PSME4: variants seen among roughly 807,000 people sequenced by gnomAD.
The protein encoded by PSME4 is proteasome activator complex subunit 4.
PSME4 carries 89 observed loss-of-function variants against 253.9 expected under a neutral mutation model. That is an observed-to-expected ratio of 0.35 (90% CI 0.30 to 0.42). The LOEUF (loss-of-function observed/expected upper bound fraction) is 0.42. Ranked by LOEUF, PSME4 falls within the 10% of genes least tolerant of loss-of-function variation. The pLI is 1.00. For synonymous variants in PSME4, 851 were observed against 759.2 expected (o/e 1.12, Z -1.99); for missense variants, 2,014 against 2,195.2 (o/e 0.92, Z 1.65).
At chr2:53,940,624 C>A (rs922106622) in intron 3 of PSME4, among the ~76,000 whole-genome samples, 2 of 151,634 alleles carry the variant, frequency 1.3e-5, no homozygotes, top group African/African-American at 4.8e-5. Flanking sequence ...AATTTATAAT[C>A]CACATTTCTT....
chr2:53,884,534 T>A (rs1009313066), intron 41 of PSME4, among the ~76,000 whole-genome samples: 1 of 152,218 alleles, frequency 6.6e-6, no homozygotes, highest in African/African-American at 2.4e-5. Flanking sequence ...TCTAATGATA[T>A]AAGTTTTTTC....
intron 42 of PSME4, 110 bp downstream of exon 42, chr2:53,875,517 G>T: frequency 9.1e-7 from 1 of 1,099,984 alleles, no homozygotes. Flanking sequence ...TATACTAAAA[G>T]AAAATTCAAA....
chr2:53,880,830 T>C (rs904796258), intron 41 of PSME4, among the ~76,000 whole-genome samples: 10 of 152,178 alleles, frequency 6.6e-5, no homozygotes, highest in Admixed American at 2.6e-4. Flanking sequence ...GGAGTTGTTT[T>C]CCTGGTCATT....
chr2:53,895,518 C>T (rs1680100423), intron 33 of PSME4, 65 bp downstream of exon 33: 6 of 1,492,174 alleles, frequency 4.0e-6, no homozygotes, highest in Non-Finnish European at 5.4e-6. Context: ...TCCCCAGAAA[C>T]CAAAATATGA....
Position 53,949,448 on chromosome 2 carries a change from C to CTT in PSME4, c.243-167_243-166dup, listed in dbSNP as rs77741355. 9.3e-5 allele frequency among the ~76,000 whole-genome samples: 13 copies of CTT among 139,416 alleles called. No homozygotes were observed. The East Asian group carries it at 1.2e-3, about 13-fold the overall frequency. The allele number at this position is 139,416 out of a possible 152,430, so 91.5% of individuals were successfully genotyped here. ...CATATACAACACAATGGATTATTGT[C>CTT]TTTTTTTTTTTTTTTTAACATTTCA... On this transcript the variant is annotated intron_variant, in intron 1 of 46. Transcript: ENST00000404125.
chr2:53,873,238 C>CAAA (rs60203960), intron 43 of PSME4, among the ~76,000 whole-genome samples: 5 of 123,148 alleles, frequency 4.1e-5, no homozygotes, highest in South Asian at 2.5e-4. Context: ...GACTCCGTCT[C>CAAA]AAAAAAAAAG....
Position 53,955,148 on chromosome 2 carries a change from G to GT in PSME4, c.243-5866dup, listed in dbSNP as rs1386727846. Among the ~76,000 whole-genome samples the GT allele has an allele frequency of 2.8e-3, 419 of 152,218 alleles. 6 individuals carry two copies. The highest frequency in any genetic ancestry group is 8.1e-4 in the Non-Finnish European group (55 of 68,018). On this transcript the variant is annotated intron_variant, in intron 1 of 46. Coordinates refer to ENST00000404125, the MANE Select transcript of PSME4 (RefSeq NM_014614.3). ...ATCTTGCCACTGCATTTCAGCCTGG[G>GT]TAACAGAGCAAGACCCTGACTCTCC...
chr2:53,910,845 ATACTT>A (rs1553411640), intron 20 of PSME4, among the ~76,000 whole-genome samples: 18 of 152,228 alleles, frequency 1.2e-4, no homozygotes, highest in Non-Finnish European at 7.3e-5. Context: ...TCAATTTTCA[ATACTT>A]TATTTCAAAA....
chr2:53,958,841 G>A (rs1345946872), intron 1 of PSME4, among the ~76,000 whole-genome samples: 1 of 148,322 alleles, frequency 6.7e-6, no homozygotes, highest in Non-Finnish European at 1.5e-5. Context: ...AAAGTCAGGA[G>A]CCTTCCTGTA....
At chr2:53,928,655 G>A (rs1265183125) in intron 10 of PSME4, among the ~76,000 whole-genome samples, 2 of 152,116 alleles carry the variant, frequency 1.3e-5, no homozygotes, top group African/African-American at 4.8e-5. Flanking sequence ...TCACAGGTAT[G>A]CATGCATGTG....
intron 8 of PSME4, 68 bp from the exon 9 acceptor site, chr2:53,932,828 C>T: frequency 8.4e-7 from 1 of 1,191,548 alleles, no homozygotes; most frequent in South Asian, 1.2e-5. Context: ...TCAACAGGCC[C>T]AAGCCTATAC....
In PSME4 at chr2:53,932,719, C is replaced by G. The variant is rs1178169245; in HGVS notation, c.999G>C (p.Leu333Phe). 2 of 1,613,906 alleles carry G rather than the reference C, an allele frequency of 1.2e-6. No homozygotes were observed. The highest frequency in any genetic ancestry group is 2.7e-5 in the African/African-American group (2 of 74,920). Residue 333 changes from leucine to phenylalanine, a missense_variant, in exon 9 of 47, where the codon TTG becomes TTC. Around this residue, in one of 4 missense-constraint regions of PSME4, gnomAD observed 615 missense variants for 594.4 expected, o/e 1.03. Transcript: ENST00000404125. ...SKLVQKHLAG[L>F]FNSITSFYHP... is the part of the protein sequence containing the mutation. ...GGTAAAAAGATGTGATGCTGTTAAACAAACCAGCTAAGTGTTTTTGCACTA... is the reference window on the plus strand; with the variant it reads ...GGTAAAAAGATGTGATGCTGTTAAAGAAACCAGCTAAGTGTTTTTGCACTA...
rs542089517 is a variant in PSME4 at position 53,926,384 on chromosome 2, C to T, written c.1594-361G>A. Reference sequence around the variant, plus strand: ...ACAATAACATGCTCGCGACTGGGCACGGTAGCTAGCCAGACACTGTGGCTC... The same window carrying T: ...ACAATAACATGCTCGCGACTGGGCATGGTAGCTAGCCAGACACTGTGGCTC... On this transcript the variant is annotated intron_variant, in intron 12 of 46. Transcript: ENST00000404125. 5.4e-5 allele frequency among the ~76,000 whole-genome samples: 8 copies of T among 149,258 alleles called. No homozygotes were observed. The South Asian group carries it at 1.5e-3, about 27-fold the overall frequency.
At chr2:53,901,686 A>C (rs1279179077) in intron 27 of PSME4, 127 bp from the exon 28 acceptor site, 4 of 633,854 alleles carry the variant, frequency 6.3e-6, no homozygotes, top group Non-Finnish European at 2.5e-6. Flanking sequence ...TTGGTTAGTA[A>C]AATATGTTCA....
chr2:53,945,505 G>A (rs1669659436), intron 3 of PSME4, among the ~76,000 whole-genome samples: 1 of 152,028 alleles, frequency 6.6e-6, no homozygotes. Flanking sequence ...AAGGAGGAAG[G>A]AAGAGAAGAA....
At chr2:53,869,277 T>G in intron 44 of PSME4, 99 bp downstream of exon 44, 1 of 1,218,304 alleles carries the variant, frequency 8.2e-7, no homozygotes, top group Non-Finnish European at 1.1e-6. Flanking sequence ...AGCATAGACC[T>G]GGGCACATAC....
chr2:53,964,205 A>G (rs574627674), intron 1 of PSME4, among the ~76,000 whole-genome samples: 5 of 152,336 alleles, frequency 3.3e-5, no homozygotes, highest in East Asian at 3.9e-4. Context: ...TATTTTTGAA[A>G]AAAAAGTATA....
rs569245831 is a variant in PSME4 at position 53,896,649 on chromosome 2, T to C, written c.3688+155A>G. The stretch of plus-strand genomic sequence containing the variant: ...TTTTGTAAATAGTTATCACTAGCTT[T>C]TACTAAGTCAACTGTTTCCTTCATA... On this transcript the variant is annotated intron_variant, in intron 32 of 46. Transcript: ENST00000404125. Among the ~76,000 whole-genome samples, 5 of 152,336 alleles carry C rather than the reference T, an allele frequency of 3.3e-5. No individual in the cohort carries two copies. In the South Asian group the frequency reaches 1.0e-3, roughly 32 times the overall value.
intron 1 of PSME4, among the ~76,000 whole-genome samples, chr2:53,968,889 C>T (rs1473362683): frequency 6.6e-6 from 1 of 152,154 alleles, no homozygotes; most frequent in Non-Finnish European, 1.5e-5. Flanking sequence ...GAAAACAATG[C>T]TTAACTATGC....
Sources: allele counts gnomAD v4.1 joint callset (sites outside exome capture counted in the v4.1 genomes callset), GRCh38; gene constraint gnomAD v4.1.1; regional missense constraint gnomAD v4.1.1; transcripts MANE v1.5; gene names NCBI Gene and HGNC (gene_info 2026-07-23, HGNC 2026-07-21).